MYOM1: variants seen among roughly 807,000 people sequenced by gnomAD.
MYOM1 encodes the protein myomesin 1, also known as myomesin-1.
In MYOM1, 164 loss-of-function variants were observed where a neutral mutation model predicts 205.3. That is an observed-to-expected ratio of 0.80 (90% CI 0.70 to 0.91). The LOEUF is 0.91. Among genes scored for constraint, MYOM1 ranks in the 40% least tolerant of loss-of-function variants. MYOM1 has a pLI of 0.00. For missense variants in MYOM1, 2,011 were observed against 2,127.3 expected (o/e 0.95, Z 1.08); for synonymous variants, 772 against 789.4 (o/e 0.98, Z 0.37).
chr18:3,180,718 G>A (rs781329803), intron 5 of MYOM1, among the ~76,000 whole-genome samples: 4 of 151,996 alleles, frequency 2.6e-5, no homozygotes, highest in Non-Finnish European at 5.9e-5. Context: ...TTGCTAATGA[G>A]CTTTCAGTAT....
At position 3,213,335 on chromosome 18, in the gene MYOM1, C is replaced by T. The variant is rs184256585; in HGVS notation, c.290+1599G>A. The stretch of plus-strand genomic sequence containing the variant: ...CAAAAAATGCAACCTATGCCAGGTA[C>T]TTTGGAGAAGAGGAAAAGAGGCAGC... On this transcript the variant is annotated intron_variant, in intron 2 of 37. Transcript: ENST00000356443. Among the ~76,000 whole-genome samples, 12 of 152,270 alleles carry T rather than the reference C, an allele frequency of 7.9e-5. No individual in the cohort carries two copies. In the East Asian group the frequency reaches 2.3e-3, roughly 29 times the overall value.
At chr18:3,180,504 G>T (rs567424781) in intron 5 of MYOM1, among the ~76,000 whole-genome samples, 26 of 152,266 alleles carry the variant, frequency 1.7e-4, no homozygotes, top group African/African-American at 5.5e-4. Context: ...TTAAGTCAGG[G>T]AAGAAAAGAA....
In MYOM1 at chr18:3,215,141, T is replaced by G. The variant is rs781229811; in HGVS notation, c.83A>C (p.His28Pro). The G allele has an allele frequency of 6.2e-7, 1 of 1,613,878 alleles. No individual in the cohort carries two copies. The highest frequency in any genetic ancestry group is 8.5e-7 in the Non-Finnish European group (1 of 1,179,860). The change falls in exon 2 of 38, where the codon CAC becomes CCC. Residue 28 changes from histidine to proline, a missense_variant. By Grantham distance (77) the His-to-Pro change is moderately conservative. Coordinates refer to ENST00000356443, the MANE Select transcript of MYOM1 (RefSeq NM_003803.4). ...GGAGCGTTTCTTCTCCCGCTGGTAG[T>G]GACTCACGGTGCTGCGCACGTCCTT... ...RNKDVRSTVS[H>P]YQREKKRSAV...
chr18:3,146,178 T>C (rs1190333093), intron 13 of MYOM1, among the ~76,000 whole-genome samples: 1 of 151,940 alleles, frequency 6.6e-6, no homozygotes, highest in Non-Finnish European at 1.5e-5. Flanking sequence ...TAAATTATAC[T>C]GAATGTTTAA....
At chr18:3,148,106 G>C (rs1220223102) in intron 13 of MYOM1, among the ~76,000 whole-genome samples, 2 of 152,222 alleles carry the variant, frequency 1.3e-5, no homozygotes, top group African/African-American at 4.8e-5. Context: ...CAATGCGGGA[G>C]CAAGTGGAAC....
chr18:3,166,737 G>A (rs995319558), intron 9 of MYOM1, among the ~76,000 whole-genome samples: 15 of 151,990 alleles, frequency 9.9e-5, no homozygotes, highest in African/African-American at 2.7e-4. Context: ...GGACAATACC[G>A]CAAGGCATTA....
Position 3,151,875 on chromosome 18 carries a change from A to G in MYOM1, c.1662T>C (p.Asp554=), listed in dbSNP as rs775439669. ...GTGTGTCATTGCACTGCGACCAGCTATCTGTGCCCACCTCACACCTAAAGG... is the reference window on the plus strand; with the variant it reads ...GTGTGTCATTGCACTGCGACCAGCTGTCTGTGCCCACCTCACACCTAAAGG... ...YFIDKCEVGT[D]SWSQCNDTPV... The change falls in exon 12 of 38, where the codon GAT becomes GAC. Residue 554 remains aspartate, a synonymous_variant. Coordinates refer to ENST00000356443, the MANE Select transcript of MYOM1 (RefSeq NM_003803.4). 11 of 1,612,750 alleles carry G rather than the reference A, an allele frequency of 6.8e-6. No homozygotes were observed. The highest frequency in any genetic ancestry group is 3.3e-5 in the Admixed American group (2 of 59,936).
rs2080692431 is a variant in MYOM1, at chr18:3,179,163, C to T, written c.930-3029G>A. Reference sequence around the variant, plus strand: ...GGATTACAGCCATGAGCCACTGTGCCTGGCCTGATCCACATTTACTTCTAT... The same window carrying T: ...GGATTACAGCCATGAGCCACTGTGCTTGGCCTGATCCACATTTACTTCTAT... On this transcript the variant is annotated intron_variant, in intron 5 of 37. Transcript: ENST00000356443. The surrounding 1 kb of genome is among the most constrained non-coding windows in gnomAD (Gnocchi z 4.4). Among the ~76,000 whole-genome samples, 1 of 151,898 alleles carries T rather than the reference C, an allele frequency of 6.6e-6. No individual in the cohort carries two copies. The highest frequency in any genetic ancestry group is 2.4e-5 in the African/African-American group (1 of 41,324).
At position 3,075,447 on chromosome 18, in the gene MYOM1, T is replaced by G. The variant is rs779010530; in HGVS notation, c.4708+7A>C. The G allele has an allele frequency of 3.7e-6, 6 of 1,611,242 alleles. No individual in the cohort carries two copies. Among genetic ancestry groups the G allele is most frequent in the Non-Finnish European group, 5.1e-6 (6 of 1,177,788 alleles). On this transcript the variant is annotated splice_region_variant and intron_variant, in intron 36 of 37. Coordinates refer to ENST00000356443, the MANE Select transcript of MYOM1 (RefSeq NM_003803.4). ...ACTTGTGAAAAGTAAAAAAAAAGTT[T>G]ACTTACTTTTCTCGGCAATGGCAGC...
intron 9 of MYOM1, among the ~76,000 whole-genome samples, chr18:3,168,223 A>C (rs2080500443): frequency 6.6e-6 from 1 of 152,254 alleles, no homozygotes; most frequent in Non-Finnish European, 1.5e-5. Flanking sequence ...TTAAAGTTAC[A>C]TACCATTTTT....
At chr18:3,185,157 G>A (rs2080793035) in intron 5 of MYOM1, among the ~76,000 whole-genome samples, 1 of 152,130 alleles carries the variant, frequency 6.6e-6, no homozygotes. Context: ...ACAATGTAAG[G>A]AGTCTAATCT....
intron 25 of MYOM1, among the ~76,000 whole-genome samples, chr18:3,096,312 T>C (rs548676847): frequency 5.1e-4 from 77 of 152,298 alleles, no homozygotes; most frequent in African/African-American, 1.7e-3. Flanking sequence ...TTTAAGGTCA[T>C]TGTGGAATTC....
chr18:3,244,237 A>G, the MYOM1 span, among the ~76,000 whole-genome samples: 1 of 151,270 alleles, frequency 6.6e-6, no homozygotes, highest in African/African-American at 2.4e-5. Flanking sequence ...CCCAACCACC[A>G]CTCCTCCACT....
At chr18:3,166,695 T>A (rs1374699097) in intron 9 of MYOM1, among the ~76,000 whole-genome samples, 1 of 152,184 alleles carries the variant, frequency 6.6e-6, no homozygotes, top group African/African-American at 2.4e-5. Context: ...TAATAAATAG[T>A]CATACAAATA....
intron 22 of MYOM1, among the ~76,000 whole-genome samples, chr18:3,109,016 TG>T: frequency 6.6e-6 from 1 of 152,148 alleles, no homozygotes; most frequent in Non-Finnish European, 1.5e-5. Context: ...AGTCTTGCTC[TG>T]TTGCCCAGGC....
chr18:3,172,362 C>T (rs556560474), intron 8 of MYOM1, among the ~76,000 whole-genome samples: 3 of 152,150 alleles, frequency 2.0e-5, no homozygotes, highest in South Asian at 2.1e-4. Context: ...GCTTTCAGTC[C>T]CCGCCTTGAC....
At position 3,072,973 on chromosome 18, in the gene MYOM1, ATTTTTTTTTTT is replaced by A. The variant is rs770278592; in HGVS notation, c.4709-1095_4709-1085del. 5.8e-4 allele frequency among the ~76,000 whole-genome samples: 59 copies of A among 102,446 alleles called. 1 individual carries two copies. Among genetic ancestry groups the A allele is most frequent in the Middle Eastern group, 0.014 (2 of 146 alleles). The allele number at this position is 102,446 out of a possible 152,430, so 67.2% of individuals were successfully genotyped here. On this transcript the variant is annotated intron_variant, in intron 36 of 37. Coordinates refer to ENST00000356443, the MANE Select transcript of MYOM1 (RefSeq NM_003803.4). ...ATTGGAGGCTCATGCAGATGTAAGC[ATTTTTTTTTTT>A]TTTTTTTTTTTTTAAGAGACAGGGT...
In MYOM1 at chr18:3,135,866, G is replaced by A. The variant is rs1454885339; in HGVS notation, c.2026-136C>T. 2.2e-6 allele frequency: 2 copies of A among 923,302 alleles called. No homozygotes were observed. Among genetic ancestry groups the A allele is most frequent in the African/African-American group, 3.3e-5 (2 of 60,040 alleles). 57.2% of individuals were successfully genotyped at this position (923,302 alleles called of 1,614,324 possible). A position where few individuals can be genotyped will look rare whatever the true frequency, so the allele number is the denominator to read the frequency against. On this transcript the variant is annotated intron_variant, in intron 14 of 37. Transcript: ENST00000356443. This position sits in a 1 kb window ranked among gnomAD's most constrained non-coding sequence, Gnocchi z 4.1. Reference sequence around the variant, plus strand: ...AGCTGGACTGGAGGAGAGATGAGGAGGAAATAGGGGATGAGGCATCTGAAG... The same window carrying A: ...AGCTGGACTGGAGGAGAGATGAGGAAGAAATAGGGGATGAGGCATCTGAAG...
intron 16 of MYOM1, among the ~76,000 whole-genome samples, chr18:3,134,158 T>C (rs192097719): frequency 6.6e-6 from 1 of 152,290 alleles, no homozygotes; most frequent in African/African-American, 2.4e-5. Context: ...GTGTTGAGAT[T>C]ACAGGCATGA....
Sources: gnomAD v4.1 joint callset for allele counts (sites outside exome capture counted in the v4.1 genomes callset) on GRCh38, gnomAD v4.1.1 for gene constraint, Gnocchi (gnomAD v3.1) non-coding constraint, MANE v1.5 for transcripts, NCBI Gene and HGNC (gene_info 2026-07-23, HGNC 2026-07-21) for gene names.